TMEM200B: variants seen among roughly 807,000 people sequenced by gnomAD.
The protein encoded by TMEM200B is transmembrane protein 200B.
TMEM200B carries 12 observed loss-of-function variants against 17.6 expected under a neutral mutation model. The observed-to-expected ratio is 0.68, with a 90% CI of 0.44 to 1.11. TMEM200B has a LOEUF of 1.11. Ranked by LOEUF, TMEM200B falls within the 50% of genes least tolerant of loss-of-function variation. TMEM200B has a pLI of 0.00. For synonymous variants in TMEM200B, 234 were observed against 209.2 expected (o/e 1.12, Z -1.02); for missense variants, 456 against 447.6 (o/e 1.02, Z -0.17).
In TMEM200B at chr1:29,121,297, G is replaced by T. The variant is rs745340664; in HGVS notation, c.532C>A (p.Pro178Thr). 1.2e-6 allele frequency: 2 copies of T among 1,604,238 alleles called. No individual in the cohort carries two copies. Among genetic ancestry groups the T allele is most frequent in the South Asian group, 1.1e-5 (1 of 89,800 alleles). Residue 178 changes from proline to threonine, a missense_variant, in exon 2 of 2, where the codon CCC (proline) becomes ACC (threonine). Transcript: ENST00000521452. This position sits in a 1 kb window ranked among gnomAD's most constrained non-coding sequence, Gnocchi z 5.6. The part of the protein sequence containing the change: ...ALLPSPGPRS[P>T]RAVGCAEPEI... ...GGCTCTGCGCAGCCTACGGCTCGGG[G>T]ACTCCTAGGGCCGGGGCTGGGAAGG...
rs778392919 is a variant in TMEM200B, at chr1:29,121,202, C to G, written c.627G>C (p.Glu209Asp). Reference sequence around the variant, plus strand: ...GTAACCCCAAGCGAGGATTAGCGGGCTCTGAACGCAGACTCCGCACTGACG... The same window carrying G: ...GTAACCCCAAGCGAGGATTAGCGGGGTCTGAACGCAGACTCCGCACTGACG... The part of the protein sequence containing the change: ...PVPSVRSLRS[E>D]PANPRLGLPA... Residue 209 changes from glutamate (E) to aspartate (D), a missense_variant, in exon 2 of 2, where the codon GAG (glutamate) becomes GAC (aspartate). By Grantham distance (45) the Glu-to-Asp change is conservative. Transcript: ENST00000521452. This position sits in a 1 kb window ranked among gnomAD's most constrained non-coding sequence, Gnocchi z 5.6. 4.3e-6 allele frequency: 7 copies of G among 1,613,492 alleles called. No individual in the cohort carries two copies. Among genetic ancestry groups the G allele is most frequent in the Non-Finnish European group, 5.9e-6 (7 of 1,180,032 alleles).
At chr1:29,123,242 T>C (rs937544303) in intron 1 of TMEM200B, among the ~76,000 whole-genome samples, 2 of 151,944 alleles carry the variant, frequency 1.3e-5, no homozygotes, top group African/African-American at 4.8e-5. Context: ...CAAAGCCTGG[T>C]TTCACAGATT....
At position 29,121,112 on chromosome 1, in the gene TMEM200B, C is replaced by T; in HGVS notation, c.717G>A (p.Thr239=). Residue 239 remains threonine (T), a synonymous_variant, in exon 2 of 2, where the codon ACG becomes ACA. Coordinates refer to ENST00000521452, the MANE Select transcript of TMEM200B (RefSeq NM_001003682.4). This position sits in a 1 kb window ranked among gnomAD's most constrained non-coding sequence, Gnocchi z 5.6. ...CGGTGATGATCACATGGCCAGTCTG[C>T]GTCCGTGGACCCCAGGGTGGGGGCA... ...PGLPPPWGPR[T]QTGHVIITVQ... The T allele has an allele frequency of 6.2e-7, 1 of 1,613,862 alleles. No individual in the cohort carries two copies. Among genetic ancestry groups the T allele is most frequent in the Non-Finnish European group, 8.5e-7 (1 of 1,180,020 alleles).
chr1:29,121,093 T>C lies in TMEM200B; in HGVS notation c.736A>G (p.Ile246Val). The C allele has an allele frequency of 1.2e-6, 2 of 1,613,852 alleles. No homozygotes were observed. Among genetic ancestry groups the C allele is most frequent in the Non-Finnish European group, 1.7e-6 (2 of 1,180,024 alleles). Residue 246 changes from isoleucine to valine, a missense_variant, in exon 2 of 2, where the codon ATC becomes GTC. Transcript: ENST00000521452. The surrounding 1 kb of genome is among the most constrained non-coding windows in gnomAD (Gnocchi z 5.6). ...GPRTQTGHVI[I>V]TVQPSGSCIE... Reference sequence around the variant, plus strand: ...CAGGAGCCAGACGGCTGCACGGTGATGATCACATGGCCAGTCTGCGTCCGT... The same window carrying C: ...CAGGAGCCAGACGGCTGCACGGTGACGATCACATGGCCAGTCTGCGTCCGT...
rs1404097833 is a variant in TMEM200B, at chr1:29,121,398, G to C, written c.431C>G (p.Thr144Arg). 4 of 1,541,518 alleles carry C rather than the reference G, an allele frequency of 2.6e-6. No homozygotes were observed. Among genetic ancestry groups the C allele is most frequent in the Non-Finnish European group, 1.7e-6 (2 of 1,147,588 alleles). Residue 144 changes from threonine (T) to arginine (R), a missense_variant, in exon 2 of 2, where the codon ACG becomes AGG. Transcript: ENST00000521452. The surrounding 1 kb of genome is among the most constrained non-coding windows in gnomAD (Gnocchi z 5.6). ...CAGCACCCCCTGGCGGAGCCGTCGC[G>C]TCTCCAAGTCTCGGTTCTCATACAG... ...TLLYENRDLE[T>R]RRLRQGVLRA...
chr1:29,121,219 G>C lies in TMEM200B; in HGVS notation c.610C>G (p.Arg204Gly), dbSNP rs375716137. 1 of 1,613,336 alleles carries C rather than the reference G, an allele frequency of 6.2e-7. No individual in the cohort carries two copies. Among genetic ancestry groups the C allele is most frequent in the East Asian group, 2.2e-5 (1 of 44,858 alleles). Reference protein sequence around the residue: ...RRGTSPVPSVRSLRSEPANPR... With the variant: ...RRGTSPVPSVGSLRSEPANPR... ...TTAGCGGGCTCTGAACGCAGACTCC[G>C]CACTGACGGGACGGGTGAAGTACCC... The change falls in exon 2 of 2, where the codon CGG becomes GGG. Residue 204 changes from arginine (R) to glycine (G), a missense_variant. Arg to Gly is a moderately radical substitution (Grantham distance 125). Transcript: ENST00000521452. The surrounding 1 kb of genome is among the most constrained non-coding windows in gnomAD (Gnocchi z 5.6).
Position 29,121,391 on chromosome 1 carries a change from C to A in TMEM200B, c.438G>T (p.Arg146=), listed in dbSNP as rs1014273939. 1 of 1,544,680 alleles carries A rather than the reference C, an allele frequency of 6.5e-7. No homozygotes were observed. The highest frequency in any genetic ancestry group is 1.2e-5 in the South Asian group (1 of 84,426). Residue 146 remains arginine (R), a synonymous_variant, in exon 2 of 2, where the codon CGG becomes CGT. Coordinates refer to ENST00000521452, the MANE Select transcript of TMEM200B (RefSeq NM_001003682.4). The surrounding 1 kb of genome is among the most constrained non-coding windows in gnomAD (Gnocchi z 5.6). Reference sequence around the variant, plus strand: ...GGGCCCGCAGCACCCCCTGGCGGAGCCGTCGCGTCTCCAAGTCTCGGTTCT... The same window carrying A: ...GGGCCCGCAGCACCCCCTGGCGGAGACGTCGCGTCTCCAAGTCTCGGTTCT... ...LYENRDLETR[R]LRQGVLRAQA...
Position 29,120,929 on chromosome 1 carries a change from T to C in TMEM200B, c.900A>G (p.Gly300=), listed in dbSNP as rs1558373824. ...SLGGYAKLGG[G]GDLGARV ...TTCAGACCCGGGCCCCCAAGTCCCC[T>C]CCTCCTCCCAATTTGGCATAGCCCC... Residue 300 remains glycine (G), a synonymous_variant, in exon 2 of 2, where the codon GGA becomes GGG. Transcript: ENST00000521452. 6.2e-7 allele frequency: 1 copy of C among 1,607,918 alleles called. No individual in the cohort carries two copies. The highest frequency in any genetic ancestry group is 1.1e-5 in the South Asian group (1 of 90,636).
chr1:29,123,649 G>A (rs1035895291), intron 1 of TMEM200B, among the ~76,000 whole-genome samples: 2 of 152,006 alleles, frequency 1.3e-5, no homozygotes, highest in African/African-American at 4.8e-5. Flanking sequence ...GGGACACAGC[G>A]CACAGCCCGA....
Position 29,119,435 on chromosome 1 carries a change from C to T in TMEM200B, c.*1470G>A, listed in dbSNP as rs890147650. On this transcript the variant is annotated 3_prime_UTR_variant, in exon 2 of 2. Coordinates refer to ENST00000521452, the MANE Select transcript of TMEM200B (RefSeq NM_001003682.4). The stretch of plus-strand genomic sequence containing the variant: ...TCAGACACACCACAGTAACAACTCT[C>T]GCTGCAATTTTATTTTAATTTGAGA... 7 of 152,608 alleles carry T rather than the reference C, an allele frequency of 4.6e-5. No homozygotes were observed. Among genetic ancestry groups the T allele is most frequent in the African/African-American group, 1.4e-4 (6 of 41,452 alleles). 9.5% of individuals were successfully genotyped at this position (152,608 alleles called of 1,614,324 possible).
intron 1 of TMEM200B, among the ~76,000 whole-genome samples, chr1:29,123,428 T>C (rs1344530887): frequency 6.6e-6 from 1 of 152,076 alleles, no homozygotes; most frequent in East Asian, 1.9e-4. Context: ...TTGCAGCCCT[T>C]TCCCCAGCCC....
chr1:29,122,567 G>A (rs1671857092), intron 1 of TMEM200B: 1 of 152,306 alleles, frequency 6.6e-6, no homozygotes, highest in Non-Finnish European at 1.5e-5. Context: ...CCACGCATGA[G>A]AGGCCTCTCC....
rs1308539058 is a variant in TMEM200B, at chr1:29,119,844, A to AT, written c.*1060dup. The AT allele has an allele frequency of 1.3e-5, 2 of 152,622 alleles. No individual in the cohort carries two copies. The highest frequency in any genetic ancestry group is 1.3e-4 in the Admixed American group (2 of 15,288). The allele number at this position is 152,622 out of a possible 1,614,324, so 9.5% of individuals were successfully genotyped here. On this transcript the variant is annotated 3_prime_UTR_variant, in exon 2 of 2. Coordinates refer to ENST00000521452, the MANE Select transcript of TMEM200B (RefSeq NM_001003682.4). ...AATTTTTTTTAAAATTATGAATCAT[A>AT]TCAAGTAGTTGTTTACATTTCTTGA...
chr1:29,121,597 G>C lies in TMEM200B; in HGVS notation c.232C>G (p.Arg78Gly). 1 of 1,490,338 alleles carries C rather than the reference G, an allele frequency of 6.7e-7. No individual in the cohort carries two copies. The highest frequency in any genetic ancestry group is 1.5e-5 in the African/African-American group (1 of 68,208). 92.3% of individuals were successfully genotyped at this position (1,490,338 alleles called of 1,614,324 possible). ...GCCCGGGACCCTGGGGCCCCGGCCCGGTGCGGCCAGTAGCCGGCCACTGCA... is the reference window on the plus strand; with the variant it reads ...GCCCGGGACCCTGGGGCCCCGGCCCCGTGCGGCCAGTAGCCGGCCACTGCA... ...GIAVAGYWPH[R>G]AGAPGSRAAN... is the part of the protein sequence containing the mutation. Residue 78 changes from arginine (R) to glycine (G), a missense_variant, in exon 2 of 2, where the codon CGG becomes GGG. Transcript: ENST00000521452. This position sits in a 1 kb window ranked among gnomAD's most constrained non-coding sequence, Gnocchi z 5.6.
Position 29,121,327 on chromosome 1 carries a change from C to T in TMEM200B, c.502G>A (p.Ala168Thr). The T allele has an allele frequency of 1.9e-6, 3 of 1,586,824 alleles. No homozygotes were observed. The highest frequency in any genetic ancestry group is 2.6e-6 in the Non-Finnish European group (3 of 1,168,094). ...RPPDGPGWDC[A>T]LLPSPGPRSP... is the part of the protein sequence containing the mutation. ...CTAGGGCCGGGGCTGGGAAGGAGGGCGCAGTCCCAGCCCGGGCCGTCGGGG... is the reference window on the plus strand; with the variant it reads ...CTAGGGCCGGGGCTGGGAAGGAGGGTGCAGTCCCAGCCCGGGCCGTCGGGG... Residue 168 changes from alanine to threonine, a missense_variant, in exon 2 of 2, where the codon GCC becomes ACC. Physicochemically the swap from Ala to Thr is moderately conservative, Grantham distance 58. Coordinates refer to ENST00000521452, the MANE Select transcript of TMEM200B (RefSeq NM_001003682.4). This position sits in a 1 kb window ranked among gnomAD's most constrained non-coding sequence, Gnocchi z 5.6.
At chr1:29,122,775 T>A (rs1272445817) in intron 1 of TMEM200B, among the ~76,000 whole-genome samples, 1 of 152,130 alleles carries the variant, frequency 6.6e-6, no homozygotes, top group Admixed American at 6.5e-5. Context: ...TCCCGCCTCC[T>A]CCGCCCGAGG....
chr1:29,122,827 C>G (rs541290461), intron 1 of TMEM200B, among the ~76,000 whole-genome samples: 1 of 152,256 alleles, frequency 6.6e-6, no homozygotes, highest in Non-Finnish European at 1.5e-5. Context: ...ACCGCCCCTG[C>G]GCCTCGGGAT....
rs190565505 is a variant in TMEM200B at position 29,120,019 on chromosome 1, T to C, written c.*886A>G. The C allele has an allele frequency of 2.0e-5, 3 of 152,762 alleles. No homozygotes were observed. Among genetic ancestry groups the C allele is most frequent in the African/African-American group, 7.2e-5 (3 of 41,574 alleles). The allele number at this position is 152,762 out of a possible 1,614,324, so 9.5% of individuals were successfully genotyped here. ...TCTTGCTTCTTGTATTGCATTTTTT[T>C]CAATAAACAACAACAAAAAGAACTC... On this transcript the variant is annotated 3_prime_UTR_variant, in exon 2 of 2. Transcript: ENST00000521452.
In TMEM200B at chr1:29,121,298, A is replaced by G. The variant is rs1558374657; in HGVS notation, c.531T>C (p.Ser177=). The G allele has an allele frequency of 1.2e-6, 2 of 1,602,714 alleles. No individual in the cohort carries two copies. Among genetic ancestry groups the G allele is most frequent in the East Asian group, 2.3e-5 (1 of 44,344 alleles). The change falls in exon 2 of 2, where the codon AGT becomes AGC. Residue 177 remains serine, a synonymous_variant. Coordinates refer to ENST00000521452, the MANE Select transcript of TMEM200B (RefSeq NM_001003682.4). The surrounding 1 kb of genome is among the most constrained non-coding windows in gnomAD (Gnocchi z 5.6). ...GCTCTGCGCAGCCTACGGCTCGGGG[A>G]CTCCTAGGGCCGGGGCTGGGAAGGA... ...CALLPSPGPR[S]PRAVGCAEPE...
Sources: gnomAD v4.1 joint callset for allele counts (sites outside exome capture counted in the v4.1 genomes callset) on GRCh38, gnomAD v4.1.1 for gene constraint, Gnocchi (gnomAD v3.1) non-coding constraint, MANE v1.5 for transcripts, NCBI Gene and HGNC (gene_info 2026-07-23, HGNC 2026-07-21) for gene names.